The following HPSE2 variants were observed in gnomAD, a reference collection of about 807,000 sequenced individuals.
HPSE2 encodes the protein inactive heparanase-2.
Under a neutral mutation model 60.5 loss-of-function variants are expected in HPSE2, and 38 were observed. The observed-to-expected ratio is 0.63, with a 90% CI of 0.48 to 0.82. HPSE2 has a LOEUF of 0.82. HPSE2 is among the 40% of genes least tolerant of loss of function. The pLI, the probability that HPSE2 is intolerant of heterozygous loss-of-function variation, is 0.00. For missense variants in HPSE2, 713 were observed against 740.4 expected, an observed-to-expected ratio of 0.96 and a Z score of 0.43; for synonymous variants, 295 against 293.2, an observed-to-expected ratio of 1.01 and a Z score of -0.06.
chr10:99,149,432 T>C (rs1846176376), intron 2 of HPSE2, among the ~76,000 whole-genome samples: 1 of 152,186 alleles, frequency 6.6e-6, no homozygotes, highest in Admixed American at 6.5e-5. Context: ...AATTCAAATA[T>C]ATACAAGTTT....
rs1165347810 is a variant in HPSE2 at position 99,126,395 on chromosome 10, C to T, written c.610+17843G>A. The stretch of plus-strand genomic sequence containing the variant: ...CCTAGTAGCTGAACAGAAAAGACAG[C>T]TCATCCAAGCTTTATGGCCCCACCC... On this transcript the variant is annotated intron_variant, in intron 3 of 11. Coordinates refer to ENST00000370552, the MANE Select transcript of HPSE2 (RefSeq NM_021828.5). The surrounding 1 kb of genome is among the most constrained non-coding windows in gnomAD (Gnocchi z 4.0). Among the ~76,000 whole-genome samples, 1 of 132,864 alleles carries T rather than the reference C, an allele frequency of 7.5e-6. No individual in the cohort carries two copies. Among genetic ancestry groups the T allele is most frequent in the Admixed American group, 7.7e-5 (1 of 13,066 alleles). The allele number at this position is 132,864 out of a possible 152,430, so 87.2% of individuals were successfully genotyped here.
At chr10:98,711,877 T>A (rs1948683438) in intron 5 of HPSE2, among the ~76,000 whole-genome samples, 1 of 152,132 alleles carries the variant, frequency 6.6e-6, no homozygotes, top group African/African-American at 2.4e-5. Flanking sequence ...AATATCTGGC[T>A]CACATCCCCA....
At chr10:99,169,937 T>TA (rs1171870205) in intron 2 of HPSE2, among the ~76,000 whole-genome samples, 1 of 151,968 alleles carries the variant, frequency 6.6e-6, no homozygotes, top group African/African-American at 2.4e-5. Context: ...CTTTCTAAAT[T>TA]AAAAAAACAA....
intron 3 of HPSE2, among the ~76,000 whole-genome samples, chr10:98,780,172 A>G (rs1173382100): frequency 1.3e-5 from 2 of 152,160 alleles, no homozygotes; most frequent in Non-Finnish European, 2.9e-5. Flanking sequence ...AAGTGCTCAG[A>G]AAGCAGGTGA....
At chr10:98,591,291 T>C (rs1589465926) in intron 9 of HPSE2, among the ~76,000 whole-genome samples, 1 of 152,330 alleles carries the variant, frequency 6.6e-6, no homozygotes, top group East Asian at 1.9e-4. Flanking sequence ...GGCAGAGCAC[T>C]GTACAAATGT....
intron 3 of HPSE2, among the ~76,000 whole-genome samples, chr10:98,972,738 T>C (rs1203011575): frequency 2.0e-5 from 3 of 152,174 alleles, no homozygotes. Context: ...TACTCTGCAC[T>C]AAAAGCTTGA....
chr10:99,098,883 T>C (rs1186485051), intron 3 of HPSE2, among the ~76,000 whole-genome samples: 2 of 152,224 alleles, frequency 1.3e-5, no homozygotes, highest in African/African-American at 4.8e-5. Context: ...TCTCATAAAC[T>C]AGTACATAAA....
chr10:98,717,359 G>A (rs1477526783), intron 5 of HPSE2, among the ~76,000 whole-genome samples: 1 of 152,044 alleles, frequency 6.6e-6, no homozygotes, highest in Non-Finnish European at 1.5e-5. Context: ...TTTCCTTCAA[G>A]AACTTTACCT....
At chr10:99,029,861 C>T (rs1257885502) in intron 3 of HPSE2, among the ~76,000 whole-genome samples, 1 of 152,112 alleles carries the variant, frequency 6.6e-6, no homozygotes, top group East Asian at 1.9e-4. Flanking sequence ...CTCTAAACTC[C>T]CCCGGGGGAA....
At chr10:98,691,117 A>G (rs572551909) in intron 6 of HPSE2, among the ~76,000 whole-genome samples, 1 of 152,312 alleles carries the variant, frequency 6.6e-6, no homozygotes, top group South Asian at 2.1e-4. Flanking sequence ...GATTGAAGAA[A>G]CGTGGCATTT....
chr10:99,066,628 T>C (rs540069080), intron 3 of HPSE2, among the ~76,000 whole-genome samples: 5 of 152,286 alleles, frequency 3.3e-5, no homozygotes, highest in Non-Finnish European at 5.9e-5. Context: ...GTCAGACTTA[T>C]TCACTACCAT....
intron 2 of HPSE2, among the ~76,000 whole-genome samples, chr10:99,183,597 A>AT (rs1564876663): frequency 6.6e-6 from 1 of 152,142 alleles, no homozygotes; most frequent in Non-Finnish European, 1.5e-5. Flanking sequence ...ATAAACCCCT[A>AT]ATTTTAGTCA....
intron 3 of HPSE2, among the ~76,000 whole-genome samples, chr10:98,776,628 C>T (rs1040608405): frequency 1.3e-5 from 2 of 151,916 alleles, no homozygotes; most frequent in Admixed American, 6.6e-5. Context: ...CAATGTCACA[C>T]AAGACAAAAT....
chr10:99,089,159 C>A (rs1388177912), intron 3 of HPSE2, among the ~76,000 whole-genome samples: 3 of 152,162 alleles, frequency 2.0e-5, no homozygotes, highest in Non-Finnish European at 4.4e-5. Flanking sequence ...TTTTGCTGTG[C>A]AGATGCTTTT....
chr10:99,104,543 T>C (rs1844157674), intron 3 of HPSE2, among the ~76,000 whole-genome samples: 1 of 152,154 alleles, frequency 6.6e-6, no homozygotes, highest in African/African-American at 2.4e-5. Flanking sequence ...ACCATTTGAC[T>C]CAGCCATCCC....
At chr10:98,967,475 T>C (rs1356325048) in intron 3 of HPSE2, among the ~76,000 whole-genome samples, 4 of 152,222 alleles carry the variant, frequency 2.6e-5, no homozygotes, top group Middle Eastern at 3.2e-3. Flanking sequence ...ATATAAACTC[T>C]TTCTGGGAAA....
intron 9 of HPSE2, among the ~76,000 whole-genome samples, chr10:98,524,857 A>G (rs749459623): frequency 2.0e-5 from 3 of 152,112 alleles, no homozygotes; most frequent in Non-Finnish European, 4.4e-5. Context: ...TACATGCACA[A>G]TATAAAGATG....
At position 98,489,241 on chromosome 10, in the gene HPSE2, T is replaced by C. The variant is rs996797963; in HGVS notation, c.1466+810A>G. Among the ~76,000 whole-genome samples, 5 of 152,344 alleles carry C rather than the reference T, an allele frequency of 3.3e-5. No homozygotes were observed. The South Asian group carries it at 8.3e-4, about 25-fold the overall frequency. ...TGTAAGAAAGCCATATTTGGCCAGA[T>C]GGATTTTGCTTTAGGCACCCCCCAC... On this transcript the variant is annotated intron_variant, in intron 10 of 11. Coordinates refer to ENST00000370552, the MANE Select transcript of HPSE2 (RefSeq NM_021828.5).
At chr10:99,299,503 G>A in the HPSE2 span, among the ~76,000 whole-genome samples, 2 of 152,200 alleles carry the variant, frequency 1.3e-5, no homozygotes, top group South Asian at 4.1e-4. Context: ...ACTTGGCATG[G>A]CATGCAGAAA....
Sources: allele counts gnomAD v4.1 joint callset (sites outside exome capture counted in the v4.1 genomes callset), GRCh38; gene constraint gnomAD v4.1.1; non-coding constraint Gnocchi (gnomAD v3.1); transcripts MANE v1.5; gene names NCBI Gene and HGNC (gene_info 2026-07-23, HGNC 2026-07-21).